CSTPP1: variants seen among roughly 807,000 people sequenced by gnomAD.
CSTPP1 encodes the protein centriolar satellite-associated tubulin polyglutamylase complex regulator 1.
the CSTPP1 span, among the ~76,000 whole-genome samples, chr11:47,033,314 C>G: frequency 6.6e-6 from 1 of 152,262 alleles, no homozygotes. Context: ...GTGCCTGTAT[C>G]ACTGAAGAGT....
the CSTPP1 span, among the ~76,000 whole-genome samples, chr11:47,086,234 C>CAAAAAAACAAA: frequency 1.1e-5 from 1 of 89,434 alleles, no homozygotes; most frequent in African/African-American, 4.6e-5. Flanking sequence ...ACTAAAAATC[C>CAAAAAAACAAA]AAAAAAAAAA....
the CSTPP1 span, among the ~76,000 whole-genome samples, chr11:46,965,708 G>A: frequency 2.6e-5 from 4 of 152,082 alleles, no homozygotes; most frequent in Middle Eastern, 3.2e-3. Context: ...AGAATATGAA[G>A]GAAGTCTATC....
chr11:47,062,599 CA>C, the CSTPP1 span, among the ~76,000 whole-genome samples: 1 of 152,078 alleles, frequency 6.6e-6, no homozygotes, highest in Non-Finnish European at 1.5e-5. Flanking sequence ...TTCAGTATTC[CA>C]AAATAAGGAT....
chr11:47,020,707 C>T, the CSTPP1 span, among the ~76,000 whole-genome samples: 1 of 152,108 alleles, frequency 6.6e-6, no homozygotes, highest in Non-Finnish European at 1.5e-5. Flanking sequence ...CTAAATCATT[C>T]CTTGTTTTGT....
chr11:47,049,049 G>A, the CSTPP1 span, among the ~76,000 whole-genome samples: 77 of 152,044 alleles, frequency 5.1e-4, no homozygotes, highest in African/African-American at 1.8e-3. Context: ...GCAGTGGTGC[G>A]ATCACAGCTC....
chr11:46,986,699 C>T, the CSTPP1 span, among the ~76,000 whole-genome samples: 1 of 152,102 alleles, frequency 6.6e-6, no homozygotes, highest in African/African-American at 2.4e-5. Context: ...AACTCCTGAC[C>T]TCAAGTGATC....
At chr11:47,080,363 G>T in the CSTPP1 span, among the ~76,000 whole-genome samples, 12 of 152,238 alleles carry the variant, frequency 7.9e-5, no homozygotes, top group African/African-American at 2.9e-4. Context: ...GCTGAGGTAG[G>T]AGAATTGCTT....
the CSTPP1 span, among the ~76,000 whole-genome samples, chr11:46,938,236 C>T: frequency 6.6e-6 from 1 of 151,776 alleles, no homozygotes; most frequent in South Asian, 2.1e-4. Context: ...TACCTTGGGT[C>T]TCCCTCACTC....
At chr11:47,101,571 A>C in the CSTPP1 span, among the ~76,000 whole-genome samples, 1 of 151,838 alleles carries the variant, frequency 6.6e-6, no homozygotes, top group Non-Finnish European at 1.5e-5. Flanking sequence ...CTGTCATCGG[A>C]ACCCTGCAAA....
the CSTPP1 span, among the ~76,000 whole-genome samples, chr11:46,994,714 C>T: frequency 3.3e-5 from 5 of 152,304 alleles, no homozygotes; most frequent in Middle Eastern, 3.4e-3. Flanking sequence ...CGATGTTCAT[C>T]AGGGATATTG....
chr11:47,129,041 G>A, the CSTPP1 span, among the ~76,000 whole-genome samples: 1 of 152,192 alleles, frequency 6.6e-6, no homozygotes, highest in Non-Finnish European at 1.5e-5. Context: ...AGGGATTAAG[G>A]TTTATTCTCC....
the CSTPP1 span, among the ~76,000 whole-genome samples, chr11:47,128,311 G>A: frequency 3.9e-5 from 6 of 152,182 alleles, no homozygotes; most frequent in Non-Finnish European, 7.3e-5. Context: ...GGTGAGAGCT[G>A]TTGAAGAGAA....
chr11:47,079,124 A>T, the CSTPP1 span, among the ~76,000 whole-genome samples: 1 of 152,168 alleles, frequency 6.6e-6, no homozygotes, highest in African/African-American at 2.4e-5. Flanking sequence ...GGACACTTCA[A>T]TCTAGGTCAT....
At chr11:47,122,931 C>A in the CSTPP1 span, among the ~76,000 whole-genome samples, 3 of 152,144 alleles carry the variant, frequency 2.0e-5, no homozygotes, top group Non-Finnish European at 2.9e-5. Flanking sequence ...CATCCACGGT[C>A]CCCAAACACT....
the CSTPP1 span, among the ~76,000 whole-genome samples, chr11:47,033,102 A>C: frequency 6.6e-6 from 1 of 152,206 alleles, no homozygotes; most frequent in Admixed American, 6.5e-5. Flanking sequence ...TAAGTGGCTG[A>C]GGAAGAGAAA....
chr11:46,944,453 G>A, the CSTPP1 span, among the ~76,000 whole-genome samples: 1 of 152,084 alleles, frequency 6.6e-6, no homozygotes, highest in South Asian at 2.1e-4. Context: ...TAAACATCTG[G>A]TGGCAACCAG....
the CSTPP1 span, among the ~76,000 whole-genome samples, chr11:47,085,888 A>G: frequency 1.3e-5 from 2 of 151,500 alleles, no homozygotes; most frequent in Non-Finnish European, 2.9e-5. Flanking sequence ...AAAAAAAAAA[A>G]AGATACTGAG....
At chr11:47,152,985 C>A in the CSTPP1 span, among the ~76,000 whole-genome samples, 2 of 152,168 alleles carry the variant, frequency 1.3e-5, no homozygotes, top group African/African-American at 4.8e-5. Context: ...GCTGAGCCTG[C>A]CAAGGAAAAG....
the CSTPP1 span, among the ~76,000 whole-genome samples, chr11:47,008,400 A>G: frequency 5.9e-5 from 9 of 152,246 alleles, no homozygotes; most frequent in South Asian, 2.1e-4. Flanking sequence ...GCTACCAGTG[A>G]TATAATAATA....
Sources: gnomAD v4.1 joint callset for allele counts (sites outside exome capture counted in the v4.1 genomes callset) on GRCh38, gnomAD v4.1.1 for gene constraint, MANE v1.5 for transcripts, NCBI Gene and HGNC (gene_info 2026-07-23, HGNC 2026-07-21) for gene names.